The following MACROD2 variants were observed in gnomAD, a reference collection of about 807,000 sequenced individuals.
MACROD2 encodes the protein mono-ADP ribosylhydrolase 2.
Under a neutral mutation model 70.4 loss-of-function variants are expected in MACROD2, and 36 were observed. The ratio of observed to expected loss-of-function variants is 0.51; its 90% CI spans 0.39 to 0.68. MACROD2 has a LOEUF of 0.68. Ranked by LOEUF, MACROD2 falls within the 30% of genes least tolerant of loss-of-function variation. MACROD2 has a pLI of 0.00. For synonymous variants in MACROD2, 172 were observed against 178.8 expected, an observed-to-expected ratio of 0.96 and a Z score of 0.30; for missense variants, 496 against 538.4, an observed-to-expected ratio of 0.92 and a Z score of 0.78.
rs534254973 is a variant in MACROD2 at position 14,369,004 on chromosome 20, C to T, written c.272-124475C>T. Among the ~76,000 whole-genome samples the T allele has an allele frequency of 5.9e-4, 90 of 152,230 alleles. No homozygotes were observed. The South Asian group carries it at 6.8e-3, about 12-fold the overall frequency. On this transcript the variant is annotated intron_variant, in intron 3 of 17. Transcript: ENST00000684519. ...AGCTGAAAGAATAAGTTTTTATTAG[C>T]GAGCATGGGCATGGATTTTTTTAAA...
intron 3 of MACROD2, among the ~76,000 whole-genome samples, chr20:14,344,195 C>T (rs1349426582): frequency 3.3e-5 from 5 of 152,028 alleles, no homozygotes; most frequent in Non-Finnish European, 7.4e-5. Flanking sequence ...TGGAAATTGC[C>T]CTTCATTGGC....
At chr20:15,543,757 G>C (rs971455873) in intron 8 of MACROD2, among the ~76,000 whole-genome samples, 3 of 152,216 alleles carry the variant, frequency 2.0e-5, no homozygotes, top group African/African-American at 7.2e-5. Context: ...GCTAGCCTCA[G>C]CTGTGTCTGG....
intron 8 of MACROD2, among the ~76,000 whole-genome samples, chr20:15,734,984 G>A (rs2050999474): frequency 6.6e-6 from 1 of 151,946 alleles, no homozygotes; most frequent in African/African-American, 2.4e-5. Flanking sequence ...TTGTTTTCAG[G>A]TAGAGTCTCT....
intron 4 of MACROD2, among the ~76,000 whole-genome samples, chr20:14,594,315 AAAG>A (rs1981977872): frequency 6.6e-6 from 1 of 152,224 alleles, no homozygotes; most frequent in African/African-American, 2.4e-5. Context: ...TTAAATGAAA[AAAG>A]AAGATATTTA....
chr20:15,917,136 G>A (rs755734249), intron 10 of MACROD2, among the ~76,000 whole-genome samples: 1 of 152,194 alleles, frequency 6.6e-6, no homozygotes, highest in East Asian at 1.9e-4. Flanking sequence ...TTTTAGATAT[G>A]CTTTTCCATA....
At chr20:14,562,498 C>G (rs910153145) in intron 4 of MACROD2, among the ~76,000 whole-genome samples, 1 of 122,786 alleles carries the variant, frequency 8.1e-6, no homozygotes, top group Non-Finnish European at 1.7e-5. Flanking sequence ...TGTTAAGTAA[C>G]ACTTGACAGC....
At chr20:15,303,699 A>G (rs922353100) in intron 6 of MACROD2, among the ~76,000 whole-genome samples, 1 of 152,238 alleles carries the variant, frequency 6.6e-6, no homozygotes. Flanking sequence ...CTTCTATTAC[A>G]GAGTAACATT....
At chr20:15,957,802 C>T (rs752712763) in intron 12 of MACROD2, among the ~76,000 whole-genome samples, 3 of 152,150 alleles carry the variant, frequency 2.0e-5, no homozygotes, top group South Asian at 2.1e-4. Context: ...CACCTACCAA[C>T]GAGGCTGGCC....
At chr20:14,882,258 T>C (rs890535086) in intron 5 of MACROD2, among the ~76,000 whole-genome samples, 8 of 152,224 alleles carry the variant, frequency 5.3e-5, no homozygotes, top group African/African-American at 1.9e-4. Flanking sequence ...AAGACATGAA[T>C]GAATGATGCT....
At chr20:15,259,123 C>A (rs1328895267) in intron 6 of MACROD2, among the ~76,000 whole-genome samples, 1 of 151,860 alleles carries the variant, frequency 6.6e-6, no homozygotes, top group Non-Finnish European at 1.5e-5. Context: ...GCTTCTTTCC[C>A]CCCATACAAC....
intron 3 of MACROD2, among the ~76,000 whole-genome samples, chr20:14,185,625 A>T (rs945439767): frequency 2.0e-5 from 3 of 152,120 alleles, no homozygotes; most frequent in Non-Finnish European, 4.4e-5. Flanking sequence ...TAAAATATAA[A>T]GTAAAATAAT....
chr20:15,813,572 G>A (rs530582698), intron 8 of MACROD2, among the ~76,000 whole-genome samples: 26 of 152,306 alleles, frequency 1.7e-4, no homozygotes, highest in African/African-American at 5.5e-4. Flanking sequence ...GAGCTCATGA[G>A]TTCAAGACCA....
rs566451694 is a variant in MACROD2, at chr20:15,785,050, G to A, written c.646-77695G>A. The stretch of plus-strand genomic sequence containing the variant: ...GCCTGTAGTCCCAGCTACTCGGGAG[G>A]CTGAGGCAGGAGAATGGCGTGAACC... On this transcript the variant is annotated intron_variant, in intron 8 of 17. Coordinates refer to ENST00000684519, the MANE Select transcript of MACROD2 (RefSeq NM_001351661.2). 2.3e-3 allele frequency among the ~76,000 whole-genome samples: 352 copies of A among 151,864 alleles called. 3 individuals carry two copies. Among genetic ancestry groups the A allele is most frequent in the African/African-American group, 8.1e-3 (334 of 41,414 alleles).
chr20:15,646,561 C>T (rs2049545898), intron 8 of MACROD2, among the ~76,000 whole-genome samples: 2 of 152,144 alleles, frequency 1.3e-5, no homozygotes, highest in Admixed American at 1.3e-4. Flanking sequence ...CTTTGTGTCT[C>T]CACCCAAATC....
intron 5 of MACROD2, among the ~76,000 whole-genome samples, chr20:14,980,079 T>G (rs1294200141): frequency 6.6e-6 from 1 of 152,200 alleles, no homozygotes; most frequent in Non-Finnish European, 1.5e-5. Flanking sequence ...ATTACCATAT[T>G]TAATTCTCAT....
chr20:14,684,818 G>A (rs774080353), intron 4 of MACROD2, 25 bp from the exon 5 acceptor site: 172 of 1,580,650 alleles, frequency 1.1e-4, no homozygotes, highest in Middle Eastern at 1.7e-4. Flanking sequence ...CCAAATATAA[G>A]CTAACTTTCT....
chr20:15,302,481 T>C (rs983023521), intron 6 of MACROD2, among the ~76,000 whole-genome samples: 2 of 152,222 alleles, frequency 1.3e-5, no homozygotes, highest in African/African-American at 4.8e-5. Context: ...TAACAGTTCA[T>C]TGTGGAACTC....
intron 3 of MACROD2, among the ~76,000 whole-genome samples, chr20:14,470,522 T>C (rs13036742): frequency 0.15 from 22,753 of 152,168 alleles, 2,417 homozygotes; most frequent in Non-Finnish European, 0.22. Context: ...GCTGCGACCA[T>C]AGCCGCCCCT....
chr20:14,154,057 A>G (rs1326801099), intron 3 of MACROD2, among the ~76,000 whole-genome samples: 5 of 152,224 alleles, frequency 3.3e-5, no homozygotes, highest in African/African-American at 1.2e-4. Context: ...GCGTTTCCCA[A>G]GACTTTGAAC....
Sources: allele counts gnomAD v4.1 joint callset (sites outside exome capture counted in the v4.1 genomes callset), GRCh38; gene constraint gnomAD v4.1.1; transcripts MANE v1.5; gene names NCBI Gene and HGNC (gene_info 2026-07-23, HGNC 2026-07-21).